VDAC1: variants seen among roughly 807,000 people sequenced by gnomAD.
VDAC1 encodes non-selective voltage-gated ion channel VDAC1.
VDAC1 carries 10 observed loss-of-function variants against 34.7 expected under a neutral mutation model. That is an observed-to-expected ratio of 0.29 (90% CI 0.18 to 0.49). VDAC1 has a LOEUF of 0.49. Ranked by LOEUF, VDAC1 falls within the 20% of genes least tolerant of loss-of-function variation. VDAC1 has a pLI of 0.99. For missense variants in VDAC1, 230 were observed against 347.9 expected, an observed-to-expected ratio of 0.66 and a Z score of 2.69; for synonymous variants, 130 against 136.0, an observed-to-expected ratio of 0.96 and a Z score of 0.30.
At chr5:134,076,618 G>A in the VDAC1 span, among the ~76,000 whole-genome samples, 1 of 152,172 alleles carries the variant, frequency 6.6e-6, no homozygotes, top group Non-Finnish European at 1.5e-5. Context: ...TCCATACCCA[G>A]GCAGGCTCAT....
At chr5:134,058,254 G>A in the VDAC1 span, among the ~76,000 whole-genome samples, 1 of 152,020 alleles carries the variant, frequency 6.6e-6, no homozygotes, top group African/African-American at 2.4e-5. Context: ...CTGAGTGAGT[G>A]GCCAGCGGAC....
the VDAC1 span, among the ~76,000 whole-genome samples, chr5:134,073,280 T>TA: frequency 6.6e-6 from 1 of 152,176 alleles, no homozygotes; most frequent in Admixed American, 6.5e-5. Flanking sequence ...GCTGAGCAGC[T>TA]AACACCCTGA....
intron 6 of VDAC1, among the ~76,000 whole-genome samples, chr5:133,978,186 A>G (rs1471764395): frequency 6.6e-6 from 1 of 152,010 alleles, no homozygotes; most frequent in Non-Finnish European, 1.5e-5. Flanking sequence ...TTTTTCCCCA[A>G]GATGGGATCT....
At chr5:134,016,413 C>G in the VDAC1 span, among the ~76,000 whole-genome samples, 1 of 152,128 alleles carries the variant, frequency 6.6e-6, no homozygotes, top group South Asian at 2.1e-4. Flanking sequence ...CACTCTGGTC[C>G]CTGATAAAGG....
the VDAC1 span, among the ~76,000 whole-genome samples, chr5:134,088,333 G>A: frequency 2.0e-5 from 3 of 152,190 alleles, no homozygotes; most frequent in Admixed American, 6.5e-5. Context: ...TACTGAAAAG[G>A]GGGCCCCCAA....
chr5:134,049,979 G>T, the VDAC1 span, among the ~76,000 whole-genome samples: 12 of 152,118 alleles, frequency 7.9e-5, no homozygotes, highest in Admixed American at 2.0e-4. Context: ...GCCCAGGCGC[G>T]GTGGCTCACG....
chr5:134,052,640 G>C, the VDAC1 span, among the ~76,000 whole-genome samples: 10 of 151,988 alleles, frequency 6.6e-5, no homozygotes, highest in Non-Finnish European at 1.0e-4. Context: ...CTTTTGTTAT[G>C]GGTCCCTGCT....
the VDAC1 span, among the ~76,000 whole-genome samples, chr5:134,079,261 G>A: frequency 2.6e-5 from 4 of 152,192 alleles, no homozygotes; most frequent in African/African-American, 4.8e-5. Context: ...TTACAGGTAT[G>A]AGCCACCACG....
At chr5:134,002,430 G>A (rs1201564688) in intron 1 of VDAC1, among the ~76,000 whole-genome samples, 2 of 152,174 alleles carry the variant, frequency 1.3e-5, no homozygotes, top group East Asian at 1.9e-4. Context: ...CCACCATGAG[G>A]GAAGGGGTAA....
In VDAC1 at chr5:133,980,755, A is replaced by G; in HGVS notation, c.525T>C (p.Thr175=). The G allele has an allele frequency of 6.3e-7, 1 of 1,592,396 alleles. No individual in the cohort carries two copies. The highest frequency in any genetic ancestry group is 8.5e-7 in the Non-Finnish European group (1 of 1,176,982). Residue 175 remains threonine, a synonymous_variant, in exon 6 of 9, where the codon ACT becomes ACC. Transcript: ENST00000265333. ...TQSNFAVGYK[T]DEFQLHTNVN... is the part of the protein sequence containing the mutation. ...CATTAGTGTGAAGCTGGAATTCATC[A>G]GTCTTGTAGCCAACTGCAAAGTTGC...
the VDAC1 span, among the ~76,000 whole-genome samples, chr5:134,036,239 A>AT: frequency 6.6e-6 from 1 of 152,188 alleles, no homozygotes; most frequent in African/African-American, 2.4e-5. Context: ...ATCAAAGTTA[A>AT]TAACACCTGA....
the VDAC1 span, among the ~76,000 whole-genome samples, chr5:134,047,743 C>T: frequency 6.6e-5 from 10 of 152,262 alleles, no homozygotes; most frequent in East Asian, 1.9e-3. Flanking sequence ...TAGAGATGGG[C>T]AAAACAAATC....
At chr5:133,984,628 G>C (rs1752840342) in intron 5 of VDAC1, among the ~76,000 whole-genome samples, 1 of 152,144 alleles carries the variant, frequency 6.6e-6, no homozygotes, top group Non-Finnish European at 1.5e-5. Flanking sequence ...ATGCATCATA[G>C]ACAATCCCAT....
chr5:133,997,433 C>T (rs974711875), intron 1 of VDAC1, among the ~76,000 whole-genome samples: 1 of 151,984 alleles, frequency 6.6e-6, no homozygotes, highest in Non-Finnish European at 1.5e-5. Context: ...GTGGGTGGCT[C>T]ATGCCTGTAA....
intron 5 of VDAC1, among the ~76,000 whole-genome samples, chr5:133,986,064 T>C (rs896529000): frequency 2.6e-5 from 4 of 152,204 alleles, no homozygotes; most frequent in Non-Finnish European, 5.9e-5. Context: ...GTCTGTGGAG[T>C]CTTCCTCTTT....
upstream of VDAC1, among the ~76,000 whole-genome samples, chr5:134,009,244 ATTCT>A (rs1753796912): frequency 7.2e-6 from 1 of 138,254 alleles, no homozygotes; most frequent in African/African-American, 2.8e-5. Context: ...GAATTTATCA[ATTCT>A]TTTTTTTTTT....
At chr5:133,987,614 G>A (rs1300843963) in intron 5 of VDAC1, among the ~76,000 whole-genome samples, 1 of 152,176 alleles carries the variant, frequency 6.6e-6, no homozygotes, top group Non-Finnish European at 1.5e-5. Flanking sequence ...GGAGGCAGAG[G>A]TTGCAGTGAG....
Position 133,975,855 on chromosome 5 carries a change from T to C in VDAC1, c.702+16A>G, listed in dbSNP as rs1752459305. 2 of 1,608,376 alleles carry C rather than the reference T, an allele frequency of 1.2e-6. No individual in the cohort carries two copies. The highest frequency in any genetic ancestry group is 1.4e-5 in the African/African-American group (1 of 73,788). ...ATGGGCCTGCCTGTGAGATGCGTGA[T>C]TCCACAGATACCCACCGAGAAGCAG... On this transcript the variant is annotated intron_variant, in intron 7 of 8. Transcript: ENST00000265333.
chr5:133,986,135 C>T (rs1358864296), intron 5 of VDAC1, among the ~76,000 whole-genome samples: 1 of 152,192 alleles, frequency 6.6e-6, no homozygotes, highest in Non-Finnish European at 1.5e-5. Flanking sequence ...TGACAAGCAC[C>T]CGAGAGAGGC....
Sources: gnomAD v4.1 joint callset for allele counts (sites outside exome capture counted in the v4.1 genomes callset) on GRCh38, gnomAD v4.1.1 for gene constraint, MANE v1.5 for transcripts, NCBI Gene and HGNC (gene_info 2026-07-23, HGNC 2026-07-21) for gene names.